The following FRAS1 variants were observed in gnomAD, a reference collection of about 807,000 sequenced individuals.
FRAS1 encodes the protein Fraser extracellular matrix complex subunit 1.
FRAS1 carries 290 observed loss-of-function variants against 435.2 expected under a neutral mutation model. That is an observed-to-expected ratio of 0.67 (90% CI 0.61 to 0.73). The LOEUF is 0.73. Ranked by LOEUF, FRAS1 falls within the 30% of genes least tolerant of loss-of-function variation. FRAS1 has a pLI of 0.00. For synonymous variants in FRAS1, 1,800 were observed against 1,851.0 expected, an observed-to-expected ratio of 0.97 and a Z score of 0.71; for missense variants, 4,860 against 5,001.5, an observed-to-expected ratio of 0.97 and a Z score of 0.85.
intron 58 of FRAS1, among the ~76,000 whole-genome samples, chr4:78,483,781 T>TATAATATATATATATATATA (rs1560753010): frequency 3.7e-5 from 2 of 53,394 alleles, no homozygotes; most frequent in African/African-American, 1.1e-4. Flanking sequence ...TCTCTCTCTC[T>TATAATATATATATATATATA]CTATATATAT....
intron 2 of FRAS1, among the ~76,000 whole-genome samples, chr4:78,230,546 G>A (rs143279673): frequency 1.2e-4 from 19 of 152,260 alleles, no homozygotes; most frequent in Middle Eastern, 3.4e-3. Flanking sequence ...TTATTGATTC[G>A]TTTCTTCATG....
At chr4:78,252,575 G>A (rs757455742) in intron 5 of FRAS1, 24 bp downstream of exon 5, 2 of 1,601,178 alleles carry the variant, frequency 1.2e-6, no homozygotes, top group African/African-American at 1.3e-5. Flanking sequence ...TGTAGAAGGG[G>A]ACCCTCTTTG....
intron 2 of FRAS1, among the ~76,000 whole-genome samples, chr4:78,091,915 G>GCCC (rs1199725617): frequency 1.5e-5 from 2 of 132,416 alleles, no homozygotes; most frequent in Non-Finnish European, 3.1e-5. Flanking sequence ...AGGAGGCTAA[G>GCCC]ATAGGAGGAT....
chr4:78,118,823 G>A lies in FRAS1; in HGVS notation c.108+52807G>A, dbSNP rs540784922. Among the ~76,000 whole-genome samples the A allele has an allele frequency of 1.0e-3, 153 of 152,226 alleles. 1 individual carries two copies. The highest frequency in any genetic ancestry group is 3.5e-3 in the African/African-American group (144 of 41,552). Reference sequence around the variant, plus strand: ...TTGCACTCGGTGCGCTGCACTCACTGTCCTGCACCCACTCTCCGACACTCC... The same window carrying A: ...TTGCACTCGGTGCGCTGCACTCACTATCCTGCACCCACTCTCCGACACTCC... On this transcript the variant is annotated intron_variant, in intron 2 of 73. Transcript: ENST00000512123.
chr4:78,520,306 CT>C (rs1417033782), intron 67 of FRAS1, among the ~76,000 whole-genome samples: 1 of 151,270 alleles, frequency 6.6e-6, no homozygotes, highest in East Asian at 1.9e-4. Flanking sequence ...CACACTACCC[CT>C]AACCTATTTC....
intron 9 of FRAS1, among the ~76,000 whole-genome samples, chr4:78,271,463 C>A (rs975197127): frequency 2.6e-5 from 4 of 151,648 alleles, no homozygotes; most frequent in Admixed American, 2.0e-4. Flanking sequence ...ATCCCTCCCC[C>A]CTACCCCCAA....
At chr4:78,159,164 A>G (rs903633779) in intron 2 of FRAS1, among the ~76,000 whole-genome samples, 3 of 152,202 alleles carry the variant, frequency 2.0e-5, no homozygotes, top group African/African-American at 7.2e-5. Context: ...AAGAAAGTAC[A>G]GCACTCAATG....
intron 61 of FRAS1, among the ~76,000 whole-genome samples, chr4:78,502,638 T>C (rs1475406959): frequency 6.6e-6 from 1 of 152,180 alleles, no homozygotes; most frequent in Non-Finnish European, 1.5e-5. Flanking sequence ...GTTTTCTAAA[T>C]ATACAATCAT....
intron 18 of FRAS1, among the ~76,000 whole-genome samples, chr4:78,328,848 AT>A (rs1398367808): frequency 6.6e-6 from 1 of 152,184 alleles, no homozygotes; most frequent in Non-Finnish European, 1.5e-5. Flanking sequence ...TACTTATTTT[AT>A]TTCTTATCAG....
At chr4:78,172,432 A>C (rs552408730) in intron 2 of FRAS1, among the ~76,000 whole-genome samples, 4 of 152,190 alleles carry the variant, frequency 2.6e-5, no homozygotes, top group Admixed American at 6.5e-5. Flanking sequence ...ATTTAATGAA[A>C]CAGCATAGGC....
intron 2 of FRAS1, among the ~76,000 whole-genome samples, chr4:78,141,099 G>C (rs573991231): frequency 6.6e-6 from 1 of 152,106 alleles, no homozygotes; most frequent in East Asian, 1.9e-4. Context: ...AGAATGTGCA[G>C]GTTTGTTACA....
intron 23 of FRAS1, among the ~76,000 whole-genome samples, chr4:78,372,167 C>T (rs925597387): frequency 1.3e-5 from 2 of 152,192 alleles, no homozygotes; most frequent in African/African-American, 2.4e-5. Flanking sequence ...TCTTTCTGGA[C>T]AGCACCTTTA....
intron 2 of FRAS1, among the ~76,000 whole-genome samples, chr4:78,075,365 C>A (rs534126351): frequency 4.6e-5 from 7 of 152,252 alleles, no homozygotes; most frequent in Non-Finnish European, 1.0e-4. Context: ...GCTGACTTAA[C>A]CAGCACAGGA....
At chr4:78,363,405 G>A (rs1191167032) in intron 20 of FRAS1, 108 bp from the exon 21 acceptor site, 5 of 1,107,334 alleles carry the variant, frequency 4.5e-6, no homozygotes, top group East Asian at 2.5e-5. Context: ...CTCTCCAGCT[G>A]TCAGCTGCAG....
Position 78,141,812 on chromosome 4 carries a change from GA to G in FRAS1, c.108+75798del, listed in dbSNP as rs1350679295. 3.9e-5 allele frequency among the ~76,000 whole-genome samples: 6 copies of G among 152,270 alleles called. No individual in the cohort carries two copies. The East Asian group carries it at 9.6e-4, about 24-fold the overall frequency. On this transcript the variant is annotated intron_variant, in intron 2 of 73. Coordinates refer to ENST00000512123, the MANE Select transcript of FRAS1 (RefSeq NM_025074.7). ...TGGAATACTACACAGCCATAAAAAG[GA>G]ATGAATTAACAGCATTTTTAGTGAC... is the stretch of plus-strand genomic sequence containing the variant.
At chr4:78,361,236 G>A (rs1731061446) in intron 20 of FRAS1, among the ~76,000 whole-genome samples, 2 of 152,200 alleles carry the variant, frequency 1.3e-5, no homozygotes, top group Admixed American at 1.3e-4. Context: ...GGAAGGCATA[G>A]GGAAGAGAGA....
intron 2 of FRAS1, among the ~76,000 whole-genome samples, chr4:78,142,343 CAAAATTTTTCCTCTCTGGAGG>C: frequency 6.6e-6 from 1 of 151,900 alleles, no homozygotes; most frequent in Non-Finnish European, 1.5e-5. Context: ...CTGCCAGAAG[CAAAATTTTTCCTCTCTGGAGG>C]AAAATAGCAT....
chr4:78,337,808 T>C lies in FRAS1; in HGVS notation c.2413T>C (p.Tyr805His). ...REEQFLNLVG[Y>H]CADCHHLCQH... is the part of the protein sequence containing the mutation. Reference sequence around the variant, plus strand: ...AGAGCAGTTCCTCAACCTCGTGGGATACTGTGCTGGTGAGTGAAACTCCTG... The same window carrying C: ...AGAGCAGTTCCTCAACCTCGTGGGACACTGTGCTGGTGAGTGAAACTCCTG... Residue 805 changes from tyrosine to histidine, a missense_variant, in exon 20 of 74, where the codon TAC (tyrosine) becomes CAC (histidine). Transcript: ENST00000512123. The C allele has an allele frequency of 1.2e-6, 2 of 1,613,852 alleles. No homozygotes were observed. The highest frequency in any genetic ancestry group is 8.5e-7 in the Non-Finnish European group (1 of 1,179,822).
At chr4:78,467,208 A>T (rs921958564) in intron 50 of FRAS1, among the ~76,000 whole-genome samples, 1 of 152,050 alleles carries the variant, frequency 6.6e-6, no homozygotes, top group Non-Finnish European at 1.5e-5. Context: ...CTTACCCATT[A>T]ACCATCTCTG....
Sources: gnomAD v4.1 joint callset for allele counts (sites outside exome capture counted in the v4.1 genomes callset) on GRCh38, gnomAD v4.1.1 for gene constraint, MANE v1.5 for transcripts, NCBI Gene and HGNC (gene_info 2026-07-23, HGNC 2026-07-21) for gene names.